THSD4: variants seen among roughly 807,000 people sequenced by gnomAD.
THSD4 encodes thrombospondin type 1 domain containing 4, also known as thrombospondin type-1 domain-containing protein 4.
Under a neutral mutation model 119.0 loss-of-function variants are expected in THSD4, and 69 were observed. That is an observed-to-expected ratio of 0.58 (90% CI 0.48 to 0.71). THSD4 has a LOEUF of 0.71. Among genes scored for constraint, THSD4 ranks in the 30% least tolerant of loss-of-function variants. The pLI is 0.00. For missense variants in THSD4, 1,393 were observed against 1,391.1 expected, an observed-to-expected ratio of 1.00 and a Z score of -0.02; for synonymous variants, 524 against 540.4, an observed-to-expected ratio of 0.97 and a Z score of 0.42.
At chr15:71,571,754 A>C (rs558810249) in intron 7 of THSD4, among the ~76,000 whole-genome samples, 2 of 152,270 alleles carry the variant, frequency 1.3e-5, no homozygotes, top group Admixed American at 1.3e-4. Flanking sequence ...CCTACAGACA[A>C]GCTTTATTCC....
intron 7 of THSD4, among the ~76,000 whole-genome samples, chr15:71,561,192 T>A (rs1202572760): frequency 6.6e-6 from 1 of 152,092 alleles, no homozygotes; most frequent in Non-Finnish European, 1.5e-5. Flanking sequence ...GCCAGGATGG[T>A]CTTGATCTCC....
chr15:71,141,114 T>C (rs546644150), intron 1 of THSD4, among the ~76,000 whole-genome samples: 1 of 152,346 alleles, frequency 6.6e-6, no homozygotes, highest in South Asian at 2.1e-4. Context: ...TGACATGACA[T>C]CTATGGTCAA....
At chr15:71,199,366 T>C (rs2043747470) in intron 3 of THSD4, among the ~76,000 whole-genome samples, 1 of 152,062 alleles carries the variant, frequency 6.6e-6, no homozygotes, top group South Asian at 2.1e-4. Flanking sequence ...CTGAGAGGTG[T>C]TCAGGACATG....
intron 14 of THSD4, among the ~76,000 whole-genome samples, chr15:71,749,851 C>A (rs995234251): frequency 6.6e-6 from 1 of 151,936 alleles, no homozygotes; most frequent in Non-Finnish European, 1.5e-5. Flanking sequence ...CCCCCTGCCC[C>A]CCTCCCGCCA....
intron 7 of THSD4, among the ~76,000 whole-genome samples, chr15:71,474,803 T>C (rs1277569561): frequency 1.3e-5 from 2 of 152,228 alleles, no homozygotes; most frequent in Non-Finnish European, 2.9e-5. Context: ...CTTAGGTTGC[T>C]TTCTCTACTT....
At chr15:71,222,658 A>G (rs1362518135) in intron 4 of THSD4, among the ~76,000 whole-genome samples, 3 of 152,098 alleles carry the variant, frequency 2.0e-5, no homozygotes, top group Non-Finnish European at 2.9e-5. Flanking sequence ...AACTTCCCAG[A>G]GCAGTTTCCT....
chr15:71,595,762 A>T (rs1032140870), intron 7 of THSD4, among the ~76,000 whole-genome samples: 2 of 152,202 alleles, frequency 1.3e-5, no homozygotes, highest in African/African-American at 4.8e-5. Flanking sequence ...TCACCCCAAG[A>T]TCTGCTAGTT....
intron 7 of THSD4, among the ~76,000 whole-genome samples, chr15:71,491,955 C>G (rs935687171): frequency 1.3e-5 from 2 of 152,220 alleles, no homozygotes; most frequent in African/African-American, 4.8e-5. Context: ...TACAAATGGA[C>G]TAAGACAGTA....
At chr15:71,356,406 G>A (rs968564947) in intron 6 of THSD4, among the ~76,000 whole-genome samples, 19 of 152,162 alleles carry the variant, frequency 1.2e-4, no homozygotes, top group African/African-American at 4.6e-4. Context: ...ATTTTCTCTT[G>A]TTTATTGCCT....
chr15:71,321,820 A>G (rs1292150764), intron 6 of THSD4, among the ~76,000 whole-genome samples: 1 of 152,194 alleles, frequency 6.6e-6, no homozygotes, highest in Non-Finnish European at 1.5e-5. Flanking sequence ...TTAAAACAAC[A>G]AATGGGCTAA....
chr15:71,478,646 A>G (rs1380975915), intron 7 of THSD4, among the ~76,000 whole-genome samples: 1 of 152,238 alleles, frequency 6.6e-6, no homozygotes, highest in African/African-American at 2.4e-5. Flanking sequence ...GGTAGGTAGC[A>G]GCCAAAATTC....
intron 6 of THSD4, among the ~76,000 whole-genome samples, chr15:71,371,884 G>A (rs1230702494): frequency 5.3e-5 from 8 of 152,140 alleles, no homozygotes; most frequent in Admixed American, 4.6e-4. Context: ...TTTCCAACTT[G>A]GTTCCATTCT....
At chr15:71,220,900 C>T (rs1225074184) in intron 4 of THSD4, among the ~76,000 whole-genome samples, 1 of 152,134 alleles carries the variant, frequency 6.6e-6, no homozygotes, top group African/African-American at 2.4e-5. Flanking sequence ...GGGTGGCATT[C>T]TCCTGTGATT....
intron 8 of THSD4, among the ~76,000 whole-genome samples, chr15:71,700,722 G>T (rs6494959): frequency 0.97 from 147,126 of 152,148 alleles, 71,337 homozygotes; most frequent in East Asian, 1. Flanking sequence ...CCAAAGAGAT[G>T]GTAATGAAAT....
chr15:71,560,529 G>C (rs554441011), intron 7 of THSD4, among the ~76,000 whole-genome samples: 1 of 152,358 alleles, frequency 6.6e-6, no homozygotes, highest in African/African-American at 2.4e-5. Flanking sequence ...TTTGAGATGG[G>C]ATTGAAGAAT....
At chr15:71,474,018 C>T (rs113849114) in intron 7 of THSD4, among the ~76,000 whole-genome samples, 1,701 of 152,212 alleles carry the variant, frequency 0.011, 21 homozygotes, top group South Asian at 0.047. Context: ...TCATGTGGAT[C>T]GCAGGTCAGG....
intron 7 of THSD4, among the ~76,000 whole-genome samples, chr15:71,472,658 A>G (rs2047597868): frequency 6.6e-6 from 1 of 152,240 alleles, no homozygotes; most frequent in South Asian, 2.1e-4. Flanking sequence ...TGAATGTTCC[A>G]GAAACATCCC....
intron 6 of THSD4, among the ~76,000 whole-genome samples, chr15:71,308,368 T>A (rs1301295498): frequency 1.3e-5 from 2 of 152,238 alleles, no homozygotes; most frequent in African/African-American, 4.8e-5. Context: ...TCAAGTCAAA[T>A]AACAGGTTCT....
intron 3 of THSD4, among the ~76,000 whole-genome samples, chr15:71,172,698 T>TATATATATATATATATATATATGTGAC: frequency 2.1e-5 from 2 of 96,360 alleles, no homozygotes; most frequent in African/African-American, 5.4e-5. Flanking sequence ...TATATATATA[T>TATATATATATATATATATATATGTGAC]ATATATATAT....
Sources: allele counts gnomAD v4.1 joint callset (sites outside exome capture counted in the v4.1 genomes callset), GRCh38; gene constraint gnomAD v4.1.1; transcripts MANE v1.5; gene names NCBI Gene and HGNC (gene_info 2026-07-23, HGNC 2026-07-21).